The following CNKSR2 variants were observed in gnomAD, a reference collection of about 807,000 sequenced individuals.
CNKSR2 encodes CNK homolog protein 2.
CNKSR2 carries 14 observed loss-of-function variants against 84.4 expected under a neutral mutation model. That is an observed-to-expected ratio of 0.17 (90% CI 0.11 to 0.26). CNKSR2 has a LOEUF of 0.26. Among genes scored for constraint, CNKSR2 ranks in the 10% least tolerant of loss-of-function variants. The pLI is 1.00. For missense variants in CNKSR2, 485 were observed against 771.2 expected, an observed-to-expected ratio of 0.63 and a Z score of 4.40; for synonymous variants, 275 against 277.9, an observed-to-expected ratio of 0.99 and a Z score of 0.10.
chrX:21,443,140 CTAAAA>C (rs764350739), intron 4 of CNKSR2, among the ~76,000 whole-genome samples: 1 of 109,885 alleles, frequency 9.1e-6, no homozygotes, highest in Non-Finnish European at 1.9e-5. Flanking sequence ...ACCCCTGAAC[CTAAAA>C]TAAAAGTTAA....
At chrX:21,378,413 G>T (rs1046560404) in intron 1 of CNKSR2, among the ~76,000 whole-genome samples, 3 of 111,125 alleles carry the variant, frequency 2.7e-5, no homozygotes, top group Non-Finnish European at 5.7e-5. Context: ...AGAAAAGTAG[G>T]CCAATAATTG....
Position 21,563,359 on chromosome X carries a change from C to T in CNKSR2, c.1515C>T (p.Ser505=), listed in dbSNP as rs1336565144. 1 of 1,207,884 alleles carries T rather than the reference C, an allele frequency of 8.3e-7. No individual in the cohort carries two copies. Among genetic ancestry groups the T allele is most frequent in the African/African-American group, 1.8e-5 (1 of 57,032 alleles). ...AAAAGAAGGGTGATAAGAGTAATAG[C>T]CCAACTCACTATTCATTGCTACCTA... ...KSKKKGDKSN[S]PTHYSLLPSL... Residue 505 remains serine (S), a synonymous_variant, in exon 13 of 22, where the codon AGC becomes AGT. Transcript: ENST00000379510.
chrX:21,534,023 GAACTT>G (rs1380461227), intron 11 of CNKSR2, among the ~76,000 whole-genome samples: 2 of 109,913 alleles, frequency 1.8e-5, no homozygotes, highest in African/African-American at 6.6e-5. Flanking sequence ...TAGAATACCA[GAACTT>G]AACTTCTCTC....
At chrX:21,652,186 G>T (rs1220203315) in intron 21 of CNKSR2, 120 bp from the exon 22 acceptor site, 1 of 519,914 alleles carries the variant, frequency 1.9e-6, no homozygotes, top group African/African-American at 2.4e-5. Flanking sequence ...AGCTGGGTGG[G>T]TGTGAGTATC....
intron 15 of CNKSR2, chrX:21,593,330 C>T (rs2092432330): frequency 8.9e-6 from 1 of 111,956 alleles, no homozygotes. Flanking sequence ...AACACATATT[C>T]AGTCACTATC....
chrX:21,587,479 T>A (rs933942252), intron 13 of CNKSR2, among the ~76,000 whole-genome samples: 4 of 112,248 alleles, frequency 3.6e-5, no homozygotes, highest in African/African-American at 1.3e-4. Flanking sequence ...CTCTTTCATT[T>A]TTCAGTTAGT....
chrX:21,520,375 T>G (rs1486296321), intron 9 of CNKSR2, among the ~76,000 whole-genome samples: 1 of 111,001 alleles, frequency 9.0e-6, no homozygotes, highest in African/African-American at 3.3e-5. Flanking sequence ...ATTCCTTGCT[T>G]TCTGAGAGCT....
At chrX:21,548,137 G>C (rs1380832959) in intron 11 of CNKSR2, among the ~76,000 whole-genome samples, 2 of 111,565 alleles carry the variant, frequency 1.8e-5, no homozygotes, top group African/African-American at 6.5e-5. Context: ...AATCCAAGAG[G>C]TGGTTTTTTG....
In CNKSR2 at chrX:21,538,780, A is replaced by G. The variant is rs1263931687; in HGVS notation, c.1303+6713A>G. The G allele has an allele frequency of 1.2e-4, 13 of 112,652 alleles. No homozygotes were observed. The Admixed American group carries it at 1.2e-3, about 11-fold the overall frequency. 9.3% of individuals were successfully genotyped at this position (112,652 alleles called of 1,213,427 possible). On this transcript the variant is annotated intron_variant, in intron 11 of 21. Transcript: ENST00000379510. ...ACTGGCAAACCGCTGATAAAAGTTC[A>G]AGAATCCAAAGGCTGAAGAACCTGG...
chrX:21,524,041 CT>C (rs2091810470), intron 9 of CNKSR2, among the ~76,000 whole-genome samples: 2 of 110,222 alleles, frequency 1.8e-5, no homozygotes, highest in South Asian at 7.5e-4. Flanking sequence ...TGCTTAATGT[CT>C]AGTTTTTTTA....
Position 21,577,624 on chromosome X carries a change from C to CT in CNKSR2, c.1609-12939dup, listed in dbSNP as rs372061050. ...GTCCTCAAATTTTGTAGGCAATTGG[C>CT]TTTTTTTTTGCTCCCATAATCACCC... On this transcript the variant is annotated intron_variant, in intron 13 of 21. Transcript: ENST00000379510. Among the ~76,000 whole-genome samples, 1,039 of 108,214 alleles carry CT rather than the reference C, an allele frequency of 9.6e-3. 9 individuals are homozygous for CT. Among genetic ancestry groups the CT allele is most frequent in the African/African-American group, 0.032 (964 of 29,802 alleles). 94.0% of individuals were successfully genotyped at this position (108,214 alleles called of 115,157 possible). A position where few individuals can be genotyped will look rare whatever the true frequency, so the allele number is the denominator to read the frequency against.
chrX:21,485,577 G>A (rs1040200075), intron 5 of CNKSR2, among the ~76,000 whole-genome samples: 1 of 110,012 alleles, frequency 9.1e-6, no homozygotes, highest in Non-Finnish European at 1.9e-5. Context: ...TAAACTACCT[G>A]AGAAAAAAAA....
intron 21 of CNKSR2, among the ~76,000 whole-genome samples, chrX:21,650,964 C>T (rs973140020): frequency 9.0e-6 from 1 of 111,601 alleles, no homozygotes; most frequent in African/African-American, 3.3e-5. Context: ...TCTCCACTTC[C>T]CCCATTCAGT....
chrX:21,519,711 C>A (rs933081966), intron 9 of CNKSR2, among the ~76,000 whole-genome samples: 2 of 110,869 alleles, frequency 1.8e-5, no homozygotes, highest in African/African-American at 3.3e-5. Flanking sequence ...TAATCTGTGG[C>A]GTTTATTTAA....
intron 6 of CNKSR2, chrX:21,490,933 G>T: frequency 8.6e-6 from 1 of 116,665 alleles, no homozygotes; most frequent in Non-Finnish European, 1.8e-5. Flanking sequence ...CATGAAAGTT[G>T]GTTTTTTGTT....
intron 5 of CNKSR2, among the ~76,000 whole-genome samples, chrX:21,484,886 T>TA (rs924410351): frequency 4.5e-5 from 5 of 111,909 alleles, no homozygotes; most frequent in East Asian, 2.8e-4. Flanking sequence ...ATTTCTTTTT[T>TA]AAAAAAACAA....
intron 5 of CNKSR2, among the ~76,000 whole-genome samples, chrX:21,488,939 C>T (rs765618125): frequency 6.3e-5 from 7 of 111,381 alleles, no homozygotes; most frequent in Non-Finnish European, 9.4e-5. Flanking sequence ...AGTCATTCCT[C>T]TGAGGCTCAC....
At chrX:21,637,306 A>T (rs910750037) in intron 20 of CNKSR2, 1 of 111,400 alleles carries the variant, frequency 9.0e-6, no homozygotes, top group Non-Finnish European at 1.9e-5. Flanking sequence ...TTAGAGGAAC[A>T]CTCAAATTAT....
At chrX:21,500,937 G>T (rs908243687) in intron 7 of CNKSR2, among the ~76,000 whole-genome samples, 53 of 111,257 alleles carry the variant, frequency 4.8e-4, no homozygotes, top group African/African-American at 1.4e-3. Flanking sequence ...CTTTTAATTT[G>T]CTTTGCTAGA....
Sources: allele counts gnomAD v4.1 joint callset (sites outside exome capture counted in the v4.1 genomes callset), GRCh38; gene constraint gnomAD v4.1.1; transcripts MANE v1.5; gene names NCBI Gene and HGNC (gene_info 2026-07-23, HGNC 2026-07-21).